Variants in CRACDL observed in about 807,000 individuals in gnomAD.
CRACDL encodes CRACD like.
CRACDL carries 26 observed loss-of-function variants against 70.6 expected under a neutral mutation model. The ratio of observed to expected loss-of-function variants is 0.37; its 90% CI spans 0.27 to 0.51. The LOEUF is 0.51. Ranked by LOEUF, CRACDL falls within the 20% of genes least tolerant of loss-of-function variation. CRACDL has a pLI of 0.94. For synonymous variants in CRACDL, 618 were observed against 615.2 expected, an observed-to-expected ratio of 1.00 and a Z score of -0.07; for missense variants, 1,283 against 1,376.9, an observed-to-expected ratio of 0.93 and a Z score of 1.08.
intron 1 of CRACDL, among the ~76,000 whole-genome samples, chr2:98,899,805 A>T (rs1328941035): frequency 2.7e-4 from 27 of 101,770 alleles, no homozygotes; most frequent in Non-Finnish European, 4.3e-4. Flanking sequence ...CAGGGAATGG[A>T]GGCTCAGTGG....
chr2:98,880,540 C>G (rs1312556316), intron 1 of CRACDL, among the ~76,000 whole-genome samples: 3 of 152,208 alleles, frequency 2.0e-5, no homozygotes, highest in East Asian at 3.8e-4. Context: ...CCCCCCTTCT[C>G]TGGGCATCCT....
In CRACDL at chr2:98,846,766, C is replaced by A. The variant is rs1423776325; in HGVS notation, c.35G>T (p.Arg12Leu). Residue 12 changes from arginine (R) to leucine (L), a missense_variant, in exon 2 of 10, where the codon CGG becomes CTG. Around this residue, in one of 2 missense-constraint regions of CRACDL, gnomAD observed 362 missense variants for 495.0 expected, o/e 0.73. Coordinates refer to ENST00000397899, the MANE Select transcript of CRACDL (RefSeq NM_207362.3). ...ISTRVMDIKLREAAEGLGEDS... is the reference protein window; with the variant it reads ...ISTRVMDIKLLEAAEGLGEDS... ...CTCCCCAAGGCCTTCTGCAGCCTCC[C>A]GAAGCTTAATGTCCATCACCCTTGT... 1 of 1,614,206 alleles carries A rather than the reference C, an allele frequency of 6.2e-7. No individual in the cohort carries two copies. The highest frequency in any genetic ancestry group is 1.7e-5 in the Admixed American group (1 of 60,032).
intron 1 of CRACDL, among the ~76,000 whole-genome samples, chr2:98,853,188 G>A (rs1166842209): frequency 6.6e-6 from 1 of 152,186 alleles, no homozygotes; most frequent in Non-Finnish European, 1.5e-5. Flanking sequence ...AGACCTCACA[G>A]AAGTGTGGAA....
chr2:98,863,089 C>A (rs1260674431), intron 1 of CRACDL, among the ~76,000 whole-genome samples: 2 of 151,996 alleles, frequency 1.3e-5, no homozygotes, highest in African/African-American at 4.8e-5. Context: ...CTTAAGCCCA[C>A]AACAAGACAC....
intron 1 of CRACDL, among the ~76,000 whole-genome samples, chr2:98,905,375 G>C (rs920155819): frequency 2.0e-5 from 3 of 151,998 alleles, no homozygotes; most frequent in African/African-American, 7.3e-5. Context: ...GCCCTCACCA[G>C]AAGCAGATGC....
chr2:98,817,316 T>C (rs900143643), intron 7 of CRACDL, among the ~76,000 whole-genome samples: 2 of 152,182 alleles, frequency 1.3e-5, no homozygotes, highest in Non-Finnish European at 2.9e-5. Flanking sequence ...CAATACTGCA[T>C]TGTACATTTT....
At chr2:98,860,839 C>T (rs542179296) in intron 1 of CRACDL, among the ~76,000 whole-genome samples, 4 of 152,282 alleles carry the variant, frequency 2.6e-5, no homozygotes, top group African/African-American at 7.2e-5. Context: ...AGGGAAAATA[C>T]TTGTATATCA....
At chr2:98,859,163 C>A (rs775298911) in intron 1 of CRACDL, among the ~76,000 whole-genome samples, 1 of 152,090 alleles carries the variant, frequency 6.6e-6, no homozygotes, top group African/African-American at 2.4e-5. Flanking sequence ...AATACCAAAC[C>A]CAAAGACATC....
chr2:98,831,365 C>T (rs920870609), intron 5 of CRACDL, among the ~76,000 whole-genome samples: 2 of 152,168 alleles, frequency 1.3e-5, no homozygotes, highest in South Asian at 2.1e-4. Flanking sequence ...TATAGGTGTC[C>T]ACACTGAAGT....
chr2:98,926,348 G>A (rs1303458706), intron 1 of CRACDL, among the ~76,000 whole-genome samples: 4 of 152,154 alleles, frequency 2.6e-5, no homozygotes, highest in Non-Finnish European at 4.4e-5. Context: ...GGGGAAGGCT[G>A]TCCACTCCAC....
intron 4 of CRACDL, 97 bp from the exon 5 acceptor site, chr2:98,832,609 G>T: frequency 1.7e-6 from 2 of 1,202,556 alleles, no homozygotes; most frequent in Non-Finnish European, 1.2e-6. Flanking sequence ...AATGCCTTCA[G>T]TATCTTGGTG....
At chr2:98,808,012 T>C (rs1204768736) in intron 7 of CRACDL, among the ~76,000 whole-genome samples, 2 of 152,218 alleles carry the variant, frequency 1.3e-5, no homozygotes, top group South Asian at 2.1e-4. Flanking sequence ...CAACCAGTCA[T>C]ACGTGGCTCC....
At chr2:98,907,884 A>C (rs1200979052) in intron 1 of CRACDL, among the ~76,000 whole-genome samples, 5 of 152,240 alleles carry the variant, frequency 3.3e-5, no homozygotes, top group Admixed American at 1.3e-4. Flanking sequence ...GGTGAACTAC[A>C]TACACTAAGA....
At chr2:98,854,379 TA>T (rs1472411214) in intron 1 of CRACDL, among the ~76,000 whole-genome samples, 1 of 149,128 alleles carries the variant, frequency 6.7e-6, no homozygotes, top group African/African-American at 2.4e-5. Context: ...ATAAAGCTTC[TA>T]AAAAATCATC....
chr2:98,820,638 CTA>C (rs1704988216), intron 7 of CRACDL, among the ~76,000 whole-genome samples: 1 of 152,228 alleles, frequency 6.6e-6, no homozygotes, highest in African/African-American at 2.4e-5. Context: ...ATCTGAAACA[CTA>C]TAAGAAGTGA....
At chr2:98,879,912 G>C (rs1024700727) in intron 1 of CRACDL, among the ~76,000 whole-genome samples, 1 of 152,188 alleles carries the variant, frequency 6.6e-6, no homozygotes, top group African/African-American at 2.4e-5. Context: ...ATATTTCCAT[G>C]GGGGTGGACA....
intron 1 of CRACDL, among the ~76,000 whole-genome samples, chr2:98,922,071 C>A (rs1322240454): frequency 6.6e-6 from 1 of 152,156 alleles, no homozygotes; most frequent in Non-Finnish European, 1.5e-5. Flanking sequence ...TGTTTTTCTT[C>A]TTTTTTGATT....
At chr2:98,873,627 G>C (rs1707407747) in intron 1 of CRACDL, among the ~76,000 whole-genome samples, 1 of 152,226 alleles carries the variant, frequency 6.6e-6, no homozygotes, top group Admixed American at 6.5e-5. Flanking sequence ...CCTCTAAGAG[G>C]AACCCTCACC....
chr2:98,920,449 T>C (rs1017783285), intron 1 of CRACDL, among the ~76,000 whole-genome samples: 13 of 152,140 alleles, frequency 8.5e-5, no homozygotes, highest in Middle Eastern at 3.2e-3. Context: ...CACTGAGCGG[T>C]CATCCCACAG....
Sources: gnomAD v4.1 joint callset for allele counts (sites outside exome capture counted in the v4.1 genomes callset) on GRCh38, gnomAD v4.1.1 for gene constraint, gnomAD v4.1.1 regional missense constraint, MANE v1.5 for transcripts, NCBI Gene and HGNC (gene_info 2026-07-23, HGNC 2026-07-21) for gene names.